The following TMED10 variants were observed in gnomAD, a reference collection of about 807,000 sequenced individuals.
The protein encoded by TMED10 is transmembrane p24 trafficking protein 10, also known as transmembrane emp24 domain-containing protein 10.
A neutral mutation model predicts 23.1 loss-of-function variants in TMED10; 7 were observed. That is an observed-to-expected ratio of 0.30 (90% CI 0.17 to 0.57). The LOEUF is 0.57. Among genes scored for constraint, TMED10 ranks in the 20% least tolerant of loss-of-function variants. The probability of loss-of-function intolerance (pLI) is 0.91; values close to 1 mark genes in which losing one functional copy is unlikely to be tolerated. For synonymous variants in TMED10, 113 were observed against 106.9 expected, an observed-to-expected ratio of 1.06 and a Z score of -0.35; for missense variants, 162 against 274.8, an observed-to-expected ratio of 0.59 and a Z score of 2.90.
intron 1 of TMED10, among the ~76,000 whole-genome samples, chr14:75,159,161 G>A (rs771372520): frequency 1.3e-4 from 20 of 152,150 alleles, no homozygotes; most frequent in Non-Finnish European, 2.2e-4. Context: ...GTAGACAGCA[G>A]GAATAACAGA....
intron 1 of TMED10, among the ~76,000 whole-genome samples, chr14:75,175,276 C>T (rs1896289183): frequency 6.6e-6 from 1 of 152,010 alleles, no homozygotes; most frequent in East Asian, 1.9e-4. Flanking sequence ...TGTCACCATC[C>T]AAGAGCATAG....
Position 75,176,428 on chromosome 14 carries a change from T to C in TMED10, c.152A>G (p.Asp51Gly), listed in dbSNP as rs1222286373. 1.2e-6 allele frequency: 2 copies of C among 1,613,886 alleles called. No homozygotes were observed. The highest frequency in any genetic ancestry group is 1.7e-6 in the Non-Finnish European group (2 of 1,180,008). ...RKCLREEIHKDLLVTGAYEIS... is the reference protein window; with the variant it reads ...RKCLREEIHKGLLVTGAYEIS... Reference sequence around the variant, plus strand: ...CTCGTACGCGCCAGTCACTAGCAGGTCCTTGTGAATCTCCTCACGGAGGCA... The same window carrying C: ...CTCGTACGCGCCAGTCACTAGCAGGCCCTTGTGAATCTCCTCACGGAGGCA... The change falls in exon 1 of 5, where the codon GAC (aspartate) becomes GGC (glycine). Residue 51 changes from aspartate to glycine, a missense_variant. Around this residue, in one of 2 missense-constraint regions of TMED10, gnomAD observed 126 missense variants for 239.5 expected, o/e 0.53. Coordinates refer to ENST00000303575, the MANE Select transcript of TMED10 (RefSeq NM_006827.6).
At chr14:75,137,509 AAAAAT>A (rs1235037532) in intron 3 of TMED10, among the ~76,000 whole-genome samples, 4 of 147,600 alleles carry the variant, frequency 2.7e-5, no homozygotes, top group Non-Finnish European at 6.0e-5. Context: ...CGTCTCTACT[AAAAAT>A]AAAAAAAAAA....
At chr14:75,137,749 C>T (rs1895771318) in intron 3 of TMED10, among the ~76,000 whole-genome samples, 1 of 148,888 alleles carries the variant, frequency 6.7e-6, no homozygotes, top group Non-Finnish European at 1.5e-5. Flanking sequence ...ACTCTGTTGC[C>T]CAGGCTGGAG....
intron 1 of TMED10, among the ~76,000 whole-genome samples, chr14:75,157,608 C>T (rs1166992158): frequency 6.6e-6 from 1 of 151,536 alleles, no homozygotes; most frequent in South Asian, 2.1e-4. Flanking sequence ...TGTGATTGTG[C>T]CACTGCACTC....
chr14:75,173,506 T>C (rs911978471), intron 1 of TMED10, among the ~76,000 whole-genome samples: 1 of 152,176 alleles, frequency 6.6e-6, no homozygotes, highest in African/African-American at 2.4e-5. Context: ...AATTAACAGT[T>C]TCTACTACGT....
chr14:75,142,726 G>A (rs1020014289), intron 3 of TMED10, among the ~76,000 whole-genome samples: 5 of 152,178 alleles, frequency 3.3e-5, no homozygotes, highest in Non-Finnish European at 7.3e-5. Context: ...GTAAACACTT[G>A]TAATTGACCT....
intron 3 of TMED10, 55 bp from the exon 4 acceptor site, chr14:75,135,941 C>T: frequency 3.1e-6 from 5 of 1,596,194 alleles, no homozygotes; most frequent in Non-Finnish European, 4.3e-6. Context: ...CAGTCAAGAA[C>T]ATAAAGAAGG....
intron 1 of TMED10, among the ~76,000 whole-genome samples, chr14:75,164,540 T>C (rs1424659861): frequency 1.7e-3 from 14 of 8,020 alleles, no homozygotes; most frequent in Non-Finnish European, 3.0e-3. Context: ...CTAATATATA[T>C]ATATATATAT....
chr14:75,132,694 T>G lies in TMED10; in HGVS notation c.*2191A>C, dbSNP rs1312616396. ...CATAGTAGCAGGAACATTAACAGAA[T>G]AGCCTGAGATTTTAACAGCATAACT... is the stretch of plus-strand genomic sequence containing the variant. On this transcript the variant is annotated 3_prime_UTR_variant, in exon 5 of 5. Transcript: ENST00000303575. 1 of 152,202 alleles carries G rather than the reference T, an allele frequency of 6.6e-6. No homozygotes were observed. The highest frequency in any genetic ancestry group is 1.5e-5 in the Non-Finnish European group (1 of 68,036). The allele number at this position is 152,202 out of a possible 1,614,324, so 9.4% of individuals were successfully genotyped here. A position where few individuals can be genotyped will look rare whatever the true frequency, so the allele number is the denominator to read the frequency against.
intron 1 of TMED10, among the ~76,000 whole-genome samples, chr14:75,152,646 CAT>C (rs1373429020): frequency 6.6e-6 from 1 of 152,152 alleles, no homozygotes; most frequent in African/African-American, 2.4e-5. Flanking sequence ...GAAAAGCATA[CAT>C]AGAGAAGACA....
intron 1 of TMED10, among the ~76,000 whole-genome samples, chr14:75,165,891 GC>G (rs1896154686): frequency 6.6e-6 from 1 of 151,672 alleles, no homozygotes; most frequent in South Asian, 2.1e-4. Flanking sequence ...CCAGGCACTG[GC>G]ATGATAATGG....
At chr14:75,136,685 T>G (rs1299877405) in intron 3 of TMED10, 1 of 152,234 alleles carries the variant, frequency 6.6e-6, no homozygotes, top group Non-Finnish European at 1.5e-5. Flanking sequence ...CTGGTTCATA[T>G]AAATCCTACA....
intron 1 of TMED10, among the ~76,000 whole-genome samples, chr14:75,172,771 G>C (rs1017665513): frequency 6.6e-6 from 1 of 152,194 alleles, no homozygotes; most frequent in Non-Finnish European, 1.5e-5. Context: ...AAGATGACAC[G>C]TGTGGAAAGA....
intron 1 of TMED10, among the ~76,000 whole-genome samples, chr14:75,154,865 G>A (rs536793718): frequency 5.3e-5 from 8 of 150,848 alleles, no homozygotes; most frequent in Non-Finnish European, 1.0e-4. Context: ...GGGTTTCACC[G>A]TGTTAGCCAG....
rs1895708585 is a variant in TMED10, at chr14:75,133,201, T to G, written c.*1684A>C. The G allele has an allele frequency of 6.6e-6, 1 of 152,200 alleles. No individual in the cohort carries two copies. The highest frequency in any genetic ancestry group is 2.1e-4 in the South Asian group (1 of 4,834). 9.4% of individuals were successfully genotyped at this position (152,200 alleles called of 1,614,324 possible). ...GGTTGGAAATTTTACTTATTTTTCCTTGGTAGAAGTTATGTTAAAAATTCA... is the reference window on the plus strand; with the variant it reads ...GGTTGGAAATTTTACTTATTTTTCCGTGGTAGAAGTTATGTTAAAAATTCA... On this transcript the variant is annotated 3_prime_UTR_variant, in exon 5 of 5. Coordinates refer to ENST00000303575, the MANE Select transcript of TMED10 (RefSeq NM_006827.6).
intron 1 of TMED10, among the ~76,000 whole-genome samples, chr14:75,169,729 T>C (rs1467484684): frequency 6.6e-6 from 1 of 152,156 alleles, no homozygotes; most frequent in East Asian, 1.9e-4. Flanking sequence ...TGCACCAGTC[T>C]CCAGTTCTCC....
chr14:75,171,110 A>C lies in TMED10; in HGVS notation c.225+5245T>G, dbSNP rs961865765. On this transcript the variant is annotated intron_variant, in intron 1 of 4. Coordinates refer to ENST00000303575, the MANE Select transcript of TMED10 (RefSeq NM_006827.6). The stretch of plus-strand genomic sequence containing the variant: ...GTCTTGAGGTGGAGAAGATTATCAC[A>C]AGGGTCCTTATAAGGGAACGAGGGA... 3.3e-5 allele frequency among the ~76,000 whole-genome samples: 5 copies of C among 152,098 alleles called. 1 individual carries two copies. Among genetic ancestry groups the C allele is most frequent in the Middle Eastern group, 6.3e-3 (2 of 316 alleles).
chr14:75,149,541 A>G (rs1159396861), intron 2 of TMED10, among the ~76,000 whole-genome samples: 1 of 152,242 alleles, frequency 6.6e-6, no homozygotes, highest in Non-Finnish European at 1.5e-5. Flanking sequence ...CCCTGCCTTC[A>G]AATAATTCAA....
Sources: gnomAD v4.1 joint callset for allele counts (sites outside exome capture counted in the v4.1 genomes callset) on GRCh38, gnomAD v4.1.1 for gene constraint, gnomAD v4.1.1 regional missense constraint, MANE v1.5 for transcripts, NCBI Gene and HGNC (gene_info 2026-07-23, HGNC 2026-07-21) for gene names.